The following NBEA variants were observed in gnomAD, a reference collection of about 807,000 sequenced individuals.
NBEA encodes neurobeachin.
In NBEA, 44 loss-of-function variants were observed where a neutral mutation model predicts 343.4. The observed-to-expected ratio is 0.13, with a 90% CI of 0.10 to 0.16. The LOEUF (loss-of-function observed/expected upper bound fraction) is 0.16, where lower values mean the gene tolerates loss of function less well. NBEA is among the 10% of genes least tolerant of loss of function. NBEA has a pLI of 1.00. For synonymous variants in NBEA, 1,175 were observed against 1,238.7 expected (o/e 0.95, Z 1.08); for missense variants, 2,555 against 3,631.3 (o/e 0.70, Z 7.62).
rs17775456 is a variant in NBEA at position 35,058,893 on chromosome 13, A to G, written c.1239+30A>G. On this transcript the variant is annotated intron_variant, in intron 8 of 58. Transcript: ENST00000379939. ...TAATAACTGTAATTTTATAAATTCT[A>G]TGGAGAGTTTTAGATGTAAAATGTG... The G allele has an allele frequency of 1.2e-4, 181 of 1,535,228 alleles. No individual in the cohort carries two copies. The African/African-American group carries it at 1.9e-3, about 17-fold the overall frequency.
chr13:35,605,573 T>C (rs920184128), intron 47 of NBEA, among the ~76,000 whole-genome samples: 4 of 152,192 alleles, frequency 2.6e-5, no homozygotes, highest in Non-Finnish European at 5.9e-5. Context: ...ATGATCAGGA[T>C]GGTACACATA....
chr13:34,982,889 A>G (rs1233832245), intron 1 of NBEA, among the ~76,000 whole-genome samples: 1 of 152,128 alleles, frequency 6.6e-6, no homozygotes, highest in Non-Finnish European at 1.5e-5. Flanking sequence ...AGTCTCAACT[A>G]TGATTGTGGA....
At chr13:35,381,431 A>G (rs938933048) in intron 38 of NBEA, among the ~76,000 whole-genome samples, 4 of 152,286 alleles carry the variant, frequency 2.6e-5, no homozygotes, top group African/African-American at 4.8e-5. Context: ...ATATTAATAC[A>G]AAGCAATATT....
At chr13:35,517,815 G>A (rs1195564821) in intron 41 of NBEA, among the ~76,000 whole-genome samples, 1 of 152,096 alleles carries the variant, frequency 6.6e-6, no homozygotes, top group Non-Finnish European at 1.5e-5. Context: ...TAAACATCTT[G>A]AAGGCAGGAA....
chr13:35,428,741 C>T (rs901526142), intron 38 of NBEA, among the ~76,000 whole-genome samples: 1 of 152,116 alleles, frequency 6.6e-6, no homozygotes, highest in Non-Finnish European at 1.5e-5. Context: ...TTTACATTCC[C>T]TTGGATATTT....
intron 38 of NBEA, among the ~76,000 whole-genome samples, chr13:35,379,591 G>A (rs2041909998): frequency 6.6e-6 from 1 of 152,026 alleles, no homozygotes; most frequent in South Asian, 2.1e-4. Context: ...TTTGCCTAGT[G>A]TGGCATCACA....
chr13:35,029,697 C>T (rs2062136752), intron 1 of NBEA, among the ~76,000 whole-genome samples: 1 of 151,630 alleles, frequency 6.6e-6, no homozygotes, highest in Non-Finnish European at 1.5e-5. Flanking sequence ...AAGACTCACT[C>T]TATACCTAAA....
At chr13:35,002,492 T>C (rs2061174219) in intron 1 of NBEA, among the ~76,000 whole-genome samples, 1 of 152,184 alleles carries the variant, frequency 6.6e-6, no homozygotes, top group African/African-American at 2.4e-5. Context: ...ACAGTAAAGC[T>C]AGGAGCTCTA....
intron 32 of NBEA, among the ~76,000 whole-genome samples, chr13:35,209,765 C>A (rs947828778): frequency 6.6e-6 from 1 of 151,982 alleles, no homozygotes; most frequent in Non-Finnish European, 1.5e-5. Context: ...GTTTATCATA[C>A]CACCTGAGTC....
At chr13:35,155,131 C>CT (rs1245172897) in intron 18 of NBEA, among the ~76,000 whole-genome samples, 7 of 55,370 alleles carry the variant, frequency 1.3e-4, no homozygotes, top group Admixed American at 2.5e-4. Context: ...GATTCTGTCT[C>CT]TAAAAAAAAA....
At chr13:35,021,556 T>C (rs2152541596) in intron 1 of NBEA, among the ~76,000 whole-genome samples, 1 of 152,320 alleles carries the variant, frequency 6.6e-6, no homozygotes, top group East Asian at 1.9e-4. Flanking sequence ...ATTTTATGTC[T>C]GGTTTTGGAT....
Position 35,400,264 on chromosome 13 carries a change from G to C in NBEA, c.6180-32005G>C, listed in dbSNP as rs1328156964. Reference sequence around the variant, plus strand: ...ATTAAAGTAAAGAGCAATAAAACAAGATATGGCTATGCTTAATTTGCCAGC... The same window carrying C: ...ATTAAAGTAAAGAGCAATAAAACAACATATGGCTATGCTTAATTTGCCAGC... On this transcript the variant is annotated intron_variant, in intron 38 of 58. Coordinates refer to ENST00000379939, the MANE Select transcript of NBEA (RefSeq NM_001385012.1). 4.6e-5 allele frequency among the ~76,000 whole-genome samples: 6 copies of C among 129,572 alleles called. No homozygotes were observed. In the East Asian group the frequency reaches 1.5e-3, roughly 32 times the overall value. The allele number at this position is 129,572 out of a possible 152,430, so 85.0% of individuals were successfully genotyped here. A position where few individuals can be genotyped will look rare whatever the true frequency, so the allele number is the denominator to read the frequency against.
chr13:35,456,066 G>T (rs2046566472), intron 40 of NBEA, among the ~76,000 whole-genome samples: 1 of 151,984 alleles, frequency 6.6e-6, no homozygotes, highest in East Asian at 1.9e-4. Flanking sequence ...CTTATAGATA[G>T]TCTATGTGTG....
intron 36 of NBEA, among the ~76,000 whole-genome samples, chr13:35,331,135 A>C (rs538806823): frequency 6.6e-6 from 1 of 152,020 alleles, no homozygotes; most frequent in Non-Finnish European, 1.5e-5. Context: ...AAAGATGACC[A>C]ATCTATCAAT....
chr13:35,293,518 G>A (rs1312369725), intron 35 of NBEA, among the ~76,000 whole-genome samples: 1 of 151,928 alleles, frequency 6.6e-6, no homozygotes, highest in Non-Finnish European at 1.5e-5. Context: ...TATCAAATCA[G>A]TGCTTAATTA....
chr13:35,406,939 G>GT (rs34731478), intron 38 of NBEA, among the ~76,000 whole-genome samples: 20,665 of 147,770 alleles, frequency 0.14, 1,702 homozygotes, highest in East Asian at 0.43. Flanking sequence ...ATGTTTATGG[G>GT]TTTTTTTTTC....
chr13:34,946,889 T>A (rs2059201570), intron 1 of NBEA, among the ~76,000 whole-genome samples: 1 of 151,384 alleles, frequency 6.6e-6, no homozygotes, highest in Non-Finnish European at 1.5e-5. Flanking sequence ...TAACTCTTCT[T>A]CCTTAGAGTT....
At chr13:35,170,658 A>C (rs1229133979) in intron 25 of NBEA, among the ~76,000 whole-genome samples, 2 of 151,828 alleles carry the variant, frequency 1.3e-5, no homozygotes, top group Non-Finnish European at 2.9e-5. Context: ...TCACGAATTA[A>C]ATATCTATAG....
chr13:35,545,368 G>A (rs1417701474), intron 41 of NBEA, among the ~76,000 whole-genome samples: 1 of 152,132 alleles, frequency 6.6e-6, no homozygotes, highest in Non-Finnish European at 1.5e-5. Context: ...CCCTAGCGCT[G>A]TGCCTCAAAT....
Sources: gnomAD v4.1 joint callset for allele counts (sites outside exome capture counted in the v4.1 genomes callset) on GRCh38, gnomAD v4.1.1 for gene constraint, MANE v1.5 for transcripts, NCBI Gene and HGNC (gene_info 2026-07-23, HGNC 2026-07-21) for gene names.